The following SLC7A9 variants were observed in gnomAD, a reference collection of about 807,000 sequenced individuals.
SLC7A9 encodes solute carrier family 7 member 9.
SLC7A9 carries 38 observed loss-of-function variants against 54.1 expected under a neutral mutation model. That is an observed-to-expected ratio of 0.70 (90% CI 0.54 to 0.92). The LOEUF is 0.92. Ranked by LOEUF, SLC7A9 falls within the 40% of genes least tolerant of loss-of-function variation. SLC7A9 has a pLI of 0.00. For synonymous variants in SLC7A9, 264 were observed against 258.9 expected (o/e 1.02, Z -0.19); for missense variants, 537 against 636.1 (o/e 0.84, Z 1.68).
intron 12 of SLC7A9, among the ~76,000 whole-genome samples, chr19:32,831,836 T>C (rs1240104683): frequency 5.3e-5 from 8 of 152,226 alleles, no homozygotes; most frequent in Non-Finnish European, 1.0e-4. Context: ...CTGCTAGGCC[T>C]CTTAGATGAT....
chr19:32,862,174 C>T lies in SLC7A9; in HGVS notation c.648G>A (p.Leu216=), dbSNP rs1399420424. Residue 216 remains leucine (L), a synonymous_variant, in exon 6 of 13, where the codon CTG becomes CTA. Transcript: ENST00000023064. The part of the protein sequence containing the change: ...NFDNSFEGAQ[L]SVGAISLAFY... ...ACGCCAGGCTGATGGCTCCCACAGA[C>T]AGCTGGGCGCCCTCGAAAGAATTAT... 6.2e-7 allele frequency: 1 copy of T among 1,613,928 alleles called. No homozygotes were observed. The highest frequency in any genetic ancestry group is 2.2e-5 in the East Asian group (1 of 44,876).
intron 11 of SLC7A9, among the ~76,000 whole-genome samples, chr19:32,838,194 C>T (rs149248211): frequency 0.014 from 2,093 of 152,232 alleles, 22 homozygotes; most frequent in Middle Eastern, 0.048. Flanking sequence ...TTAATATAAA[C>T]AAGGCTTTAT....
intron 9 of SLC7A9, among the ~76,000 whole-genome samples, chr19:32,848,544 G>A (rs913785769): frequency 6.6e-6 from 1 of 152,178 alleles, no homozygotes; most frequent in Non-Finnish European, 1.5e-5. Flanking sequence ...CAAGTCCTTA[G>A]TGACCTACAA....
In SLC7A9 at chr19:32,864,745, A is replaced by T; in HGVS notation, c.119T>A (p.Val40Glu). ...LGLISGISII[V>E]GTIIGSGIFV... ...GATCCCAGAGCCAATGATGGTGCCC[A>T]CGATGATGGAGATGCCACTGATGAG... The change falls in exon 3 of 13, where the codon GTG (valine) becomes GAG (glutamate). Residue 40 changes from valine (V) to glutamate (E), a missense_variant. Transcript: ENST00000023064. 6.2e-7 allele frequency: 1 copy of T among 1,614,196 alleles called. No individual in the cohort carries two copies. Among genetic ancestry groups the T allele is most frequent in the South Asian group, 1.1e-5 (1 of 91,082 alleles).
In SLC7A9 at chr19:32,842,303, C is replaced by T. The variant is rs1203960519; in HGVS notation, c.1089G>A (p.Thr363=). Residue 363 remains threonine (T), a synonymous_variant, in exon 11 of 13, where the codon ACG becomes ACA. Transcript: ENST00000023064. ...TTATGTCACCAGGGATGATATAAAT[C>T]GTTGCTATGATACCCTAATAGAAAG... ...PAIIFYGIIA[T]IYIIPGDINS... is the part of the protein sequence containing the mutation. 2.9e-5 allele frequency: 46 copies of T among 1,613,598 alleles called. No individual in the cohort carries two copies. Among genetic ancestry groups the T allele is most frequent in the Non-Finnish European group, 3.5e-5 (41 of 1,179,702 alleles).
rs146478475 is a variant in SLC7A9, at chr19:32,835,720, C to A, written c.1225-2397G>T. On this transcript the variant is annotated intron_variant, in intron 11 of 12. Coordinates refer to ENST00000023064, the MANE Select transcript of SLC7A9 (RefSeq NM_014270.5). ...TCTGCTTATTAGTTCCTTCTGTTTT[C>A]TTTTGGTTTTCTGTTGTTCTTTATC... 9.9e-5 allele frequency among the ~76,000 whole-genome samples: 15 copies of A among 152,014 alleles called. No individual in the cohort carries two copies. In the East Asian group the frequency reaches 2.7e-3, roughly 27 times the overall value.
intron 9 of SLC7A9, among the ~76,000 whole-genome samples, chr19:32,854,876 CTG>C (rs1327477925): frequency 4.6e-5 from 7 of 152,196 alleles, no homozygotes; most frequent in Non-Finnish European, 5.9e-5. Context: ...GCGTGAGCCA[CTG>C]CACCTGGCCT....
intron 9 of SLC7A9, among the ~76,000 whole-genome samples, chr19:32,851,906 CA>C (rs1327645083): frequency 6.6e-6 from 1 of 151,836 alleles, no homozygotes; most frequent in Non-Finnish European, 1.5e-5. Flanking sequence ...TCATTCTCAG[CA>C]AACTATTGCA....
chr19:32,856,321 A>G (rs111578970), intron 9 of SLC7A9, among the ~76,000 whole-genome samples: 17 of 151,630 alleles, frequency 1.1e-4, no homozygotes, highest in Non-Finnish European at 1.9e-4. Context: ...CAGCCTCCCA[A>G]GTAGCTAGGA....
chr19:32,860,019 G>C (rs1194899018), intron 7 of SLC7A9, 55 bp from the exon 8 acceptor site: 1 of 1,613,656 alleles, frequency 6.2e-7, no homozygotes, highest in African/African-American at 1.3e-5. Context: ...TCCCGCGGAA[G>C]ATGGACGCCC....
At chr19:32,846,769 C>CAG (rs1555782898) in intron 9 of SLC7A9, among the ~76,000 whole-genome samples, 45 of 152,330 alleles carry the variant, frequency 3.0e-4, no homozygotes, top group African/African-American at 1.1e-3. Flanking sequence ...GGCAACCCCC[C>CAG]AGTAGGGGCA....
At chr19:32,861,982 G>A (rs1002741161) in intron 6 of SLC7A9, 136 bp downstream of exon 6, 4 of 744,386 alleles carry the variant, frequency 5.4e-6, no homozygotes, top group Middle Eastern at 3.7e-4. Flanking sequence ...TTCACAAAAA[G>A]GAAATGTGAG....
chr19:32,850,750 A>G (rs1011211150), intron 9 of SLC7A9, among the ~76,000 whole-genome samples: 1 of 152,260 alleles, frequency 6.6e-6, no homozygotes, highest in African/African-American at 2.4e-5. Context: ...AGCTGGAGGC[A>G]TCACTCTACC....
chr19:32,855,379 G>A (rs1369022305), intron 9 of SLC7A9, among the ~76,000 whole-genome samples: 1 of 152,038 alleles, frequency 6.6e-6, no homozygotes, highest in Non-Finnish European at 1.5e-5. Flanking sequence ...AGCTTCCTGT[G>A]CCCAGTGATC....
chr19:32,864,238 G>GA lies in SLC7A9; in HGVS notation c.335dup (p.Ser113LeufsTer9). 2 of 1,614,224 alleles carry GA rather than the reference G, an allele frequency of 1.2e-6. No homozygotes were observed. The highest frequency in any genetic ancestry group is 1.7e-6 in the Non-Finnish European group (2 of 1,180,028). On this transcript the variant is annotated frameshift_variant, in exon 4 of 13. Coordinates refer to ENST00000023064, the MANE Select transcript of SLC7A9 (RefSeq NM_014270.5). LOFTEE classifies it high-confidence loss of function. ...TAATGACGATCAGGCTGGCCCAGGA[G>GA]AAGAGGTAGGCGGGGATGGGCCCGT... is the stretch of plus-strand genomic sequence containing the variant.
rs146798209 is a variant in SLC7A9 at position 32,861,550 on chromosome 19, G to A, written c.704+568C>T. ...CTTGGGGCTGGGCGCAGTGGCTCAC[G>A]CCTGTAAACCCAGCACTTTGGGAGG... On this transcript the variant is annotated intron_variant, in intron 6 of 12. Coordinates refer to ENST00000023064, the MANE Select transcript of SLC7A9 (RefSeq NM_014270.5). Among the ~76,000 whole-genome samples the A allele has an allele frequency of 6.4e-3, 973 of 152,266 alleles. 11 individuals are homozygous for A. Among genetic ancestry groups the A allele is most frequent in the African/African-American group, 0.022 (923 of 41,550 alleles).
chr19:32,858,163 T>TC (rs764988866), intron 9 of SLC7A9, among the ~76,000 whole-genome samples: 57 of 152,142 alleles, frequency 3.7e-4, no homozygotes, highest in African/African-American at 8.7e-4. Flanking sequence ...ATGGGCAGCT[T>TC]CCCCCCCATG....
intron 9 of SLC7A9, among the ~76,000 whole-genome samples, chr19:32,854,004 C>T (rs1968545730): frequency 6.6e-6 from 1 of 150,474 alleles, no homozygotes; most frequent in Non-Finnish European, 1.5e-5. Context: ...GATTGGAAGA[C>T]TCAGTATTTT....
At chr19:32,858,381 G>T in intron 9 of SLC7A9, 59 bp downstream of exon 9, 1 of 1,169,162 alleles carries the variant, frequency 8.6e-7, no homozygotes, top group Non-Finnish European at 1.3e-6. Context: ...TCTTCCTCGG[G>T]GGTGATATTG....
Sources: gnomAD v4.1 joint callset for allele counts (sites outside exome capture counted in the v4.1 genomes callset) on GRCh38, gnomAD v4.1.1 for gene constraint, MANE v1.5 for transcripts, NCBI Gene and HGNC (gene_info 2026-07-23, HGNC 2026-07-21) for gene names.